LRRC4C: variants seen among roughly 807,000 people sequenced by gnomAD.
LRRC4C encodes the protein leucine rich repeat containing 4C.
Under a neutral mutation model 33.6 loss-of-function variants are expected in LRRC4C, and 5 were observed. That is an observed-to-expected ratio of 0.15 (90% CI 0.08 to 0.31). The LOEUF is 0.31. Among genes scored for constraint, LRRC4C ranks in the 10% least tolerant of loss-of-function variants. LRRC4C has a pLI of 1.00. For missense variants in LRRC4C, 560 were observed against 796.7 expected (o/e 0.70, Z 3.58); for synonymous variants, 329 against 302.0 (o/e 1.09, Z -0.93).
At chr11:40,311,542 T>C (rs1945305675) in intron 4 of LRRC4C, among the ~76,000 whole-genome samples, 1 of 152,236 alleles carries the variant, frequency 6.6e-6, no homozygotes, top group Non-Finnish European at 1.5e-5. Context: ...ATTTTATTTT[T>C]AAGTATTCTC....
At chr11:41,379,562 T>C (rs1159271065) in intron 1 of LRRC4C, among the ~76,000 whole-genome samples, 1 of 152,114 alleles carries the variant, frequency 6.6e-6, no homozygotes, top group Non-Finnish European at 1.5e-5. Context: ...TTAAGTATCA[T>C]AAAATAGCCC....
At position 40,527,768 on chromosome 11, in the gene LRRC4C, G is replaced by A. The variant is rs562807071; in HGVS notation, c.-270+120374C>T. Among the ~76,000 whole-genome samples, 3 of 141,552 alleles carry A rather than the reference G, an allele frequency of 2.1e-5. No individual in the cohort carries two copies. The East Asian group carries it at 6.0e-4, about 28-fold the overall frequency. 92.9% of individuals were successfully genotyped at this position (141,552 alleles called of 152,430 possible). ...CAGTTAGAAGATAATTTTTTTTTTTGGCAGAGTGTCACTCTTGTTACCCAG... is the reference window on the plus strand; with the variant it reads ...CAGTTAGAAGATAATTTTTTTTTTTAGCAGAGTGTCACTCTTGTTACCCAG... On this transcript the variant is annotated intron_variant, in intron 3 of 6. Transcript: ENST00000528697.
At chr11:40,334,169 A>G (rs1946492878) in intron 3 of LRRC4C, among the ~76,000 whole-genome samples, 1 of 152,152 alleles carries the variant, frequency 6.6e-6, no homozygotes, top group African/African-American at 2.4e-5. Context: ...ATCCTCTTAC[A>G]TTTTATATTT....
intron 3 of LRRC4C, among the ~76,000 whole-genome samples, chr11:40,577,636 A>C (rs796585556): frequency 1.4e-4 from 22 of 152,234 alleles, no homozygotes; most frequent in African/African-American, 4.6e-4. Flanking sequence ...GCATCAAGTC[A>C]GTAAAGTCCA....
At chr11:41,360,793 A>C (rs11036369) in intron 1 of LRRC4C, among the ~76,000 whole-genome samples, 5,319 of 152,274 alleles carry the variant, frequency 0.035, 128 homozygotes, top group Non-Finnish European at 0.053. Context: ...CCAGAGTAGA[A>C]ATAACTCATG....
intron 4 of LRRC4C, among the ~76,000 whole-genome samples, chr11:40,315,585 G>C (rs745680722): frequency 2.6e-5 from 4 of 151,738 alleles, no homozygotes; most frequent in Non-Finnish European, 4.4e-5. Context: ...ACACTGTATA[G>C]TGTTTCATTA....
intron 2 of LRRC4C, among the ~76,000 whole-genome samples, chr11:40,753,173 G>A (rs934173772): frequency 6.6e-6 from 1 of 151,950 alleles, no homozygotes; most frequent in Non-Finnish European, 1.5e-5. Context: ...AGAGAGGTTG[G>A]TGAATAGGTA....
intron 1 of LRRC4C, among the ~76,000 whole-genome samples, chr11:41,414,241 G>C (rs990277058): frequency 6.6e-6 from 1 of 152,034 alleles, no homozygotes; most frequent in African/African-American, 2.4e-5. Context: ...TGACTGTATT[G>C]CATTTGAGAA....
intron 2 of LRRC4C, among the ~76,000 whole-genome samples, chr11:40,768,805 C>T (rs999083733): frequency 3.3e-5 from 5 of 151,740 alleles, no homozygotes; most frequent in African/African-American, 1.2e-4. Context: ...TGATAAAAAC[C>T]TTTAAAAGAC....
intron 3 of LRRC4C, among the ~76,000 whole-genome samples, chr11:40,613,898 A>T: frequency 6.6e-6 from 1 of 151,810 alleles, no homozygotes; most frequent in East Asian, 1.9e-4. Context: ...TTTTTTTCTG[A>T]TCAGTAGGTC....
intron 3 of LRRC4C, among the ~76,000 whole-genome samples, chr11:40,471,387 C>T (rs1952927218): frequency 6.6e-6 from 1 of 152,074 alleles, no homozygotes; most frequent in African/African-American, 2.4e-5. Context: ...CTAAAGGAAG[C>T]ACTAAATATG....
chr11:40,667,924 TAG>T (rs1943899921), intron 2 of LRRC4C, among the ~76,000 whole-genome samples: 1 of 152,180 alleles, frequency 6.6e-6, no homozygotes. Context: ...GCACCTACCT[TAG>T]GTAACATGTT....
intron 1 of LRRC4C, among the ~76,000 whole-genome samples, chr11:41,115,994 C>G (rs892952514): frequency 1.3e-5 from 2 of 152,110 alleles, no homozygotes; most frequent in African/African-American, 4.8e-5. Context: ...CTTCCCCTTT[C>G]CACCATGAGA....
chr11:41,083,800 T>C (rs934503001), intron 1 of LRRC4C, among the ~76,000 whole-genome samples: 1 of 152,128 alleles, frequency 6.6e-6, no homozygotes, highest in Non-Finnish European at 1.5e-5. Context: ...GCAAGGGAAA[T>C]ATGGGATATC....
intron 1 of LRRC4C, among the ~76,000 whole-genome samples, chr11:41,328,032 A>G (rs969332830): frequency 2.0e-5 from 3 of 152,138 alleles, no homozygotes; most frequent in African/African-American, 7.2e-5. Flanking sequence ...TGTAGGCACC[A>G]TGTCCTGGCC....
chr11:40,561,045 G>T (rs1027560741), intron 3 of LRRC4C, among the ~76,000 whole-genome samples: 1 of 152,140 alleles, frequency 6.6e-6, no homozygotes, highest in Non-Finnish European at 1.5e-5. Flanking sequence ...TAGTTTGACA[G>T]TTTTATCTTC....
intron 3 of LRRC4C, among the ~76,000 whole-genome samples, chr11:40,544,823 T>A (rs1956853605): frequency 2.6e-5 from 4 of 152,118 alleles, no homozygotes; most frequent in Non-Finnish European, 5.9e-5. Flanking sequence ...TTTTTTTCTT[T>A]TTCCATTATT....
chr11:40,374,481 A>AT (rs1181306004), intron 3 of LRRC4C, among the ~76,000 whole-genome samples: 2 of 152,210 alleles, frequency 1.3e-5, no homozygotes, highest in Non-Finnish European at 2.9e-5. Flanking sequence ...AAAAATGTTA[A>AT]TATCTATTGT....
At chr11:41,164,627 A>C (rs1285232773) in intron 1 of LRRC4C, among the ~76,000 whole-genome samples, 1 of 152,110 alleles carries the variant, frequency 6.6e-6, no homozygotes, top group East Asian at 1.9e-4. Flanking sequence ...GTATTACACT[A>C]TGATATTAGG....
Sources: allele counts gnomAD v4.1 joint callset (sites outside exome capture counted in the v4.1 genomes callset), GRCh38; gene constraint gnomAD v4.1.1; transcripts MANE v1.5; gene names NCBI Gene and HGNC (gene_info 2026-07-23, HGNC 2026-07-21).